The following RBFOX1 variants were observed in gnomAD, a reference collection of about 807,000 sequenced individuals.
The protein encoded by RBFOX1 is RNA binding fox-1 homolog 1, also known as RNA binding protein fox-1 homolog 1.
Under a neutral mutation model 57.7 loss-of-function variants are expected in RBFOX1, and 8 were observed. The observed-to-expected ratio is 0.14, with a 90% CI of 0.08 to 0.25. The LOEUF is 0.25. RBFOX1 is among the 10% of genes least tolerant of loss of function. The pLI is 1.00. For missense variants in RBFOX1, 611 were observed against 548.5 expected, an observed-to-expected ratio of 1.11 and a Z score of -1.14; for synonymous variants, 326 against 222.4, an observed-to-expected ratio of 1.47 and a Z score of -4.15.
intron 4 of RBFOX1, among the ~76,000 whole-genome samples, chr16:7,282,052 A>T (rs2095555390): frequency 6.6e-6 from 1 of 151,666 alleles, no homozygotes; most frequent in Admixed American, 6.6e-5. Context: ...TATTTTTTGT[A>T]GAGACAGGGT....
intron 2 of RBFOX1, among the ~76,000 whole-genome samples, chr16:5,566,238 C>T (rs1446482793): frequency 3.3e-5 from 5 of 152,168 alleles, no homozygotes; most frequent in Non-Finnish European, 1.5e-5. Context: ...CCTTCCCAGT[C>T]ACTGTCTGTT....
intron 14 of RBFOX1, among the ~76,000 whole-genome samples, chr16:7,698,858 C>G (rs2079671799): frequency 6.6e-6 from 1 of 152,122 alleles, no homozygotes; most frequent in Non-Finnish European, 1.5e-5. Flanking sequence ...TTGCTGCATG[C>G]AATAACAATA....
At chr16:6,241,194 C>A (rs1431288700) in intron 1 of RBFOX1, among the ~76,000 whole-genome samples, 5 of 152,168 alleles carry the variant, frequency 3.3e-5, no homozygotes, top group African/African-American at 1.2e-4. Flanking sequence ...GCGAAATATG[C>A]AAATTCCCGT....
At chr16:6,234,169 A>G (rs980349988) in intron 1 of RBFOX1, among the ~76,000 whole-genome samples, 1 of 152,154 alleles carries the variant, frequency 6.6e-6, no homozygotes, top group Non-Finnish European at 1.5e-5. Flanking sequence ...TTTCACCATC[A>G]CAGTGGCATT....
At chr16:6,121,479 C>A (rs1597492248) in intron 1 of RBFOX1, among the ~76,000 whole-genome samples, 2 of 152,154 alleles carry the variant, frequency 1.3e-5, no homozygotes, top group African/African-American at 2.4e-5. Flanking sequence ...CTGCCCGTAC[C>A]CAGTACCCCC....
intron 4 of RBFOX1, among the ~76,000 whole-genome samples, chr16:7,514,885 G>T (rs1200799039): frequency 6.6e-6 from 1 of 152,180 alleles, no homozygotes; most frequent in Admixed American, 6.5e-5. Flanking sequence ...AAAAGCCCCA[G>T]GGTTATATAT....
At chr16:7,105,940 A>G (rs986467876) in intron 4 of RBFOX1, among the ~76,000 whole-genome samples, 6 of 152,226 alleles carry the variant, frequency 3.9e-5, no homozygotes, top group East Asian at 1.9e-4. Flanking sequence ...AAGGAAAGCA[A>G]TTGTTCTTTG....
intron 2 of RBFOX1, among the ~76,000 whole-genome samples, chr16:6,419,237 T>A (rs1287555863): frequency 6.6e-6 from 1 of 152,218 alleles, no homozygotes; most frequent in Non-Finnish European, 1.5e-5. Context: ...ACTCCATGAT[T>A]TTTTTCTACT....
chr16:6,472,309 G>A (rs915200784), intron 2 of RBFOX1, among the ~76,000 whole-genome samples: 48 of 152,162 alleles, frequency 3.2e-4, no homozygotes, highest in African/African-American at 1.1e-3. Context: ...GTATCTCTAT[G>A]GTACACGTGG....
At chr16:6,592,038 C>A (rs1332409521) in intron 2 of RBFOX1, among the ~76,000 whole-genome samples, 2 of 152,154 alleles carry the variant, frequency 1.3e-5, no homozygotes, top group South Asian at 2.1e-4. Flanking sequence ...TAAAACTTAA[C>A]AGTTTCAGAC....
intron 1 of RBFOX1, among the ~76,000 whole-genome samples, chr16:6,047,116 C>G (rs539385593): frequency 5.6e-4 from 86 of 152,266 alleles, no homozygotes; most frequent in African/African-American, 1.7e-3. Context: ...GATTAGTTGG[C>G]TAATGAGCCT....
At chr16:7,211,114 GGGTGCT>G (rs1303958936) in intron 4 of RBFOX1, among the ~76,000 whole-genome samples, 1 of 150,150 alleles carries the variant, frequency 6.7e-6, no homozygotes, top group African/African-American at 2.4e-5. Context: ...ACTCTGGGCC[GGGTGCT>G]GTGGCTCACA....
chr16:7,431,481 T>C (rs2098679516), intron 4 of RBFOX1, among the ~76,000 whole-genome samples: 1 of 152,142 alleles, frequency 6.6e-6, no homozygotes, highest in South Asian at 2.1e-4. Flanking sequence ...ACTCAAGTGA[T>C]CCTTCCACTT....
intron 4 of RBFOX1, among the ~76,000 whole-genome samples, chr16:5,934,531 G>GCAGA (rs2059130280): frequency 6.6e-6 from 1 of 152,198 alleles, no homozygotes; most frequent in Non-Finnish European, 1.5e-5. Flanking sequence ...GACTCACGTT[G>GCAGA]CAGATCAGGA....
chr16:6,304,277 G>T (rs1256475217), intron 1 of RBFOX1, among the ~76,000 whole-genome samples: 1 of 151,950 alleles, frequency 6.6e-6, no homozygotes, highest in Non-Finnish European at 1.5e-5. Flanking sequence ...AATACAGTGA[G>T]AGTCCATCTC....
intron 4 of RBFOX1, among the ~76,000 whole-genome samples, chr16:7,262,205 T>G (rs1273804388): frequency 6.6e-6 from 1 of 152,200 alleles, no homozygotes; most frequent in African/African-American, 2.4e-5. Context: ...AAATGAGTTA[T>G]TTCTACTGCA....
intron 1 of RBFOX1, among the ~76,000 whole-genome samples, chr16:5,319,667 G>T (rs1364885644): frequency 6.6e-6 from 1 of 152,224 alleles, no homozygotes; most frequent in South Asian, 2.1e-4. Context: ...TTCAAAGACA[G>T]ACTTATTTTA....
At chr16:6,160,134 G>A (rs950581465) in intron 1 of RBFOX1, among the ~76,000 whole-genome samples, 16 of 152,152 alleles carry the variant, frequency 1.1e-4, no homozygotes, top group Admixed American at 7.9e-4. Flanking sequence ...GGGTTTATAA[G>A]GTAATGTGTA....
chr16:5,771,994 A>T (rs2053995108), intron 3 of RBFOX1, among the ~76,000 whole-genome samples: 1 of 152,112 alleles, frequency 6.6e-6, no homozygotes, highest in Non-Finnish European at 1.5e-5. Flanking sequence ...CAACATGGTG[A>T]AACCCTGTCT....
Sources: gnomAD v4.1 joint callset for allele counts (sites outside exome capture counted in the v4.1 genomes callset) on GRCh38, gnomAD v4.1.1 for gene constraint, MANE v1.5 for transcripts, NCBI Gene and HGNC (gene_info 2026-07-23, HGNC 2026-07-21) for gene names.